The following SLIT3 variants were observed in gnomAD, a reference collection of about 807,000 sequenced individuals.
SLIT3 encodes slit guidance ligand 3, also known as slit homolog 3 protein.
A neutral mutation model predicts 184.0 loss-of-function variants in SLIT3; 68 were observed. The ratio of observed to expected loss-of-function variants is 0.37; its 90% confidence interval spans 0.30 to 0.45. The LOEUF (loss-of-function observed/expected upper bound fraction) is 0.45. Among genes scored for constraint, SLIT3 ranks in the 20% least tolerant of loss-of-function variants. The probability of loss-of-function intolerance (pLI) is 1.00; values close to 1 mark genes in which losing one functional copy is unlikely to be tolerated. For missense variants in SLIT3, 1,707 were observed against 2,026.0 expected, an observed-to-expected ratio of 0.84 and a Z score of 3.02; for synonymous variants, 831 against 828.6, an observed-to-expected ratio of 1.00 and a Z score of -0.05.
At chr5:168,830,687 A>G (rs564026534) in intron 6 of SLIT3, among the ~76,000 whole-genome samples, 1 of 152,324 alleles carries the variant, frequency 6.6e-6, no homozygotes, top group African/African-American at 2.4e-5. Context: ...AGATATTATT[A>G]CTTCCACTTG....
Position 169,083,477 on chromosome 5 carries a change from G to A in SLIT3, c.413+110002C>T, listed in dbSNP as rs538279386. 3.3e-5 allele frequency among the ~76,000 whole-genome samples: 5 copies of A among 152,304 alleles called. No homozygotes were observed. The South Asian group carries it at 1.0e-3, about 32-fold the overall frequency. On this transcript the variant is annotated intron_variant, in intron 4 of 35. Transcript: ENST00000519560. ...CTTGCAACAGGTGAATGGTGTTGAG[G>A]GCTATCAGCACGCCTTAAACTTACA...
chr5:169,297,137 G>A (rs190006294), intron 1 of SLIT3, among the ~76,000 whole-genome samples: 14 of 152,268 alleles, frequency 9.2e-5, no homozygotes, highest in Admixed American at 2.0e-4. Context: ...CTCTCCTCTC[G>A]TCCTCTATCT....
intron 4 of SLIT3, among the ~76,000 whole-genome samples, chr5:169,140,444 C>A (rs776490720): frequency 7.7e-6 from 1 of 129,046 alleles, no homozygotes; most frequent in African/African-American, 2.9e-5. Context: ...TGCGCCATTG[C>A]ACTCTGGCCT....
At chr5:168,790,627 G>T (rs1172715213) in intron 10 of SLIT3, 1 of 152,186 alleles carries the variant, frequency 6.6e-6, no homozygotes, top group Non-Finnish European at 1.5e-5. Context: ...AACCTCTCCA[G>T]TTCCTTTTCT....
At chr5:169,152,838 C>G (rs995382492) in intron 4 of SLIT3, among the ~76,000 whole-genome samples, 1 of 152,258 alleles carries the variant, frequency 6.6e-6, no homozygotes, top group South Asian at 2.1e-4. Context: ...ACACCTACCC[C>G]GGTATGTCAC....
chr5:169,081,928 C>G (rs1168486179), intron 4 of SLIT3, among the ~76,000 whole-genome samples: 1 of 152,168 alleles, frequency 6.6e-6, no homozygotes, highest in Admixed American at 6.5e-5. Context: ...TTTGCCCGGG[C>G]CCACACAGCT....
At chr5:169,291,485 A>G (rs1332603764) in intron 1 of SLIT3, among the ~76,000 whole-genome samples, 1 of 152,210 alleles carries the variant, frequency 6.6e-6, no homozygotes, top group East Asian at 1.9e-4. Flanking sequence ...AGTTGGGCTC[A>G]GGAGCATCTA....
chr5:168,916,628 T>C (rs1304705627), intron 4 of SLIT3, among the ~76,000 whole-genome samples: 1 of 152,232 alleles, frequency 6.6e-6, no homozygotes, highest in African/African-American at 2.4e-5. Flanking sequence ...TATTTCTTTT[T>C]TCTTAAAAGC....
At chr5:169,072,031 A>G (rs181584603) in intron 4 of SLIT3, among the ~76,000 whole-genome samples, 1 of 152,324 alleles carries the variant, frequency 6.6e-6, no homozygotes, top group East Asian at 1.9e-4. Context: ...ATCCCCAAAT[A>G]GCCAAAGCAT....
chr5:169,281,136 T>C (rs540427248), intron 1 of SLIT3, among the ~76,000 whole-genome samples: 1 of 152,322 alleles, frequency 6.6e-6, no homozygotes, highest in South Asian at 2.1e-4. Context: ...CTGGATTTTA[T>C]TTTAGAAAAG....
At position 168,930,736 on chromosome 5, in the gene SLIT3, C is replaced by T. The variant is rs901600164; in HGVS notation, c.414-47400G>A. 1.1e-4 allele frequency among the ~76,000 whole-genome samples: 16 copies of T among 152,178 alleles called. No individual in the cohort carries two copies. The Middle Eastern group carries it at 0.014, about 129-fold the overall frequency. ...AATAGGCCTGGAGAGCGCTTGGCAG[C>T]TGACACCTGTGGCTCAGTTCACATG... On this transcript the variant is annotated intron_variant, in intron 4 of 35. Transcript: ENST00000519560.
chr5:169,116,470 G>A (rs145451327), intron 4 of SLIT3, among the ~76,000 whole-genome samples: 5 of 152,290 alleles, frequency 3.3e-5, no homozygotes, highest in East Asian at 1.9e-4. Flanking sequence ...CAGGATGAAC[G>A]ACCTAGTTAT....
intron 4 of SLIT3, among the ~76,000 whole-genome samples, chr5:168,914,265 GT>G (rs1761361890): frequency 6.6e-6 from 1 of 152,178 alleles, no homozygotes; most frequent in South Asian, 2.1e-4. Context: ...AATTAATTAG[GT>G]TGCACTAATC....
chr5:168,689,637 T>C (rs1350534866), intron 29 of SLIT3, among the ~76,000 whole-genome samples: 1 of 152,264 alleles, frequency 6.6e-6, no homozygotes, highest in Non-Finnish European at 1.5e-5. Flanking sequence ...TTCTTTTGGC[T>C]ATTGTATTAT....
intron 16 of SLIT3, among the ~76,000 whole-genome samples, chr5:168,755,047 C>T (rs1754844831): frequency 6.6e-6 from 1 of 152,192 alleles, no homozygotes; most frequent in Non-Finnish European, 1.5e-5. Flanking sequence ...TATTGTTGAC[C>T]ACTTCTTATG....
intron 18 of SLIT3, among the ~76,000 whole-genome samples, 183 bp from the exon 19 acceptor site, chr5:168,749,818 G>A (rs1754638541): frequency 6.6e-6 from 1 of 152,148 alleles, no homozygotes; most frequent in South Asian, 2.1e-4. Flanking sequence ...TGATGGATGT[G>A]GCTGTGGTGT....
intron 4 of SLIT3, among the ~76,000 whole-genome samples, chr5:169,060,464 T>C (rs1193147489): frequency 6.6e-6 from 1 of 152,242 alleles, no homozygotes; most frequent in African/African-American, 2.4e-5. Context: ...ACCCAGTCTA[T>C]ATCAGCCCAA....
chr5:168,886,923 T>C (rs1760240235), intron 4 of SLIT3, among the ~76,000 whole-genome samples: 1 of 152,182 alleles, frequency 6.6e-6, no homozygotes, highest in Admixed American at 6.5e-5. Context: ...GTAAGTCAAA[T>C]AGGAGTTGGC....
intron 4 of SLIT3, among the ~76,000 whole-genome samples, chr5:169,078,176 T>G (rs1210882960): frequency 6.6e-6 from 1 of 152,162 alleles, no homozygotes; most frequent in Non-Finnish European, 1.5e-5. Context: ...CACATCAGGT[T>G]ACAAATACAG....
Sources: allele counts gnomAD v4.1 joint callset (sites outside exome capture counted in the v4.1 genomes callset), GRCh38; gene constraint gnomAD v4.1.1; transcripts MANE v1.5; gene names NCBI Gene and HGNC (gene_info 2026-07-23, HGNC 2026-07-21).